Variants in CPEB4 observed in about 807,000 individuals in gnomAD.
The protein encoded by CPEB4 is cytoplasmic polyadenylation element binding protein 4, also known as cytoplasmic polyadenylation element-binding protein 4.
CPEB4 carries 12 observed loss-of-function variants against 72.5 expected under a neutral mutation model. The observed-to-expected ratio is 0.17, with a 90% confidence interval of 0.11 to 0.27. CPEB4 has a LOEUF of 0.27. Among genes scored for constraint, CPEB4 ranks in the 10% least tolerant of loss-of-function variants. CPEB4 has a pLI of 1.00. For synonymous variants in CPEB4, 302 were observed against 326.3 expected (o/e 0.93, Z 0.80); for missense variants, 614 against 908.5 (o/e 0.68, Z 4.17).
chr5:173,960,811 T>C lies in CPEB4; in HGVS notation c.*4674T>C, dbSNP rs1758525473. The C allele has an allele frequency of 6.6e-6, 1 of 152,226 alleles. No homozygotes were observed. The highest frequency in any genetic ancestry group is 2.1e-4 in the South Asian group (1 of 4,832). The allele number at this position is 152,226 out of a possible 1,614,324, so 9.4% of individuals were successfully genotyped here. The stretch of plus-strand genomic sequence containing the variant: ...AGTTCCTCCATAGACCTTAATGTCA[T>C]AGGATACGGTGTGTGGGATTATAAT... On this transcript the variant is annotated 3_prime_UTR_variant, in exon 10 of 10. Coordinates refer to ENST00000265085, the MANE Select transcript of CPEB4 (RefSeq NM_030627.4).
rs1755733918 is a variant in CPEB4 at position 173,889,709 on chromosome 5, G to A, written c.-25G>A. Reference sequence around the variant, plus strand: ...ACATCAGGTTGTCATTTTTTATTGTGAGATTCTGCTCCTAAAGATAATAAA... The same window carrying A: ...ACATCAGGTTGTCATTTTTTATTGTAAGATTCTGCTCCTAAAGATAATAAA... On this transcript the variant is annotated 5_prime_UTR_variant, in exon 1 of 10. Transcript: ENST00000265085. 2 of 1,528,224 alleles carry A rather than the reference G, an allele frequency of 1.3e-6. No individual in the cohort carries two copies. The highest frequency in any genetic ancestry group is 4.5e-5 in the East Asian group (2 of 44,006). 94.7% of individuals were successfully genotyped at this position (1,528,224 alleles called of 1,614,324 possible).
chr5:173,889,887 A>T lies in CPEB4; in HGVS notation c.154A>T (p.Asn52Tyr). ...TTTTATAAATAATAACACAGCTGCC[A>T]ATGGCAGCAGTGCTGGGTCAGCTTG... Reference protein sequence around the residue: ...AAFINNNTAANGSSAGSAWLF... With the variant: ...AAFINNNTAAYGSSAGSAWLF... Residue 52 changes from asparagine (N) to tyrosine (Y), a missense_variant, in exon 1 of 10, where the codon AAT becomes TAT. By Grantham distance (143) the Asn-to-Tyr change is moderately radical. Transcript: ENST00000265085. The T allele has an allele frequency of 6.2e-7, 1 of 1,614,200 alleles. No individual in the cohort carries two copies. The highest frequency in any genetic ancestry group is 8.5e-7 in the Non-Finnish European group (1 of 1,180,016).
At chr5:173,939,426 T>G (rs1202206653) in intron 3 of CPEB4, among the ~76,000 whole-genome samples, 1 of 152,216 alleles carries the variant, frequency 6.6e-6, no homozygotes, top group Admixed American at 6.5e-5. Context: ...CTTTGTTTCT[T>G]TTTGATTATT....
At position 173,888,461 on chromosome 5, in the gene CPEB4, A is replaced by T; in HGVS notation, c.-1273A>T. On this transcript the variant is annotated 5_prime_UTR_variant, in exon 1 of 10. Coordinates refer to ENST00000265085, the MANE Select transcript of CPEB4 (RefSeq NM_030627.4). The surrounding 1 kb of genome is among the most constrained non-coding windows in gnomAD (Gnocchi z 4.3). ...GCGGCGACAGCAGAGGAGGAAGAGG[A>T]GGAAGAAGGAAAGAAAAAGAAGAAC... 1 of 438,878 alleles carries T rather than the reference A, an allele frequency of 2.3e-6. No individual in the cohort carries two copies. Among genetic ancestry groups the T allele is most frequent in the South Asian group, 6.3e-5 (1 of 15,932 alleles). 27.2% of individuals were successfully genotyped at this position (438,878 alleles called of 1,614,324 possible). A position where few individuals can be genotyped will look rare whatever the true frequency, so the allele number is the denominator to read the frequency against.
In CPEB4 at chr5:173,957,662, T is replaced by C. The variant is rs1183750156; in HGVS notation, c.*1525T>C. 1 of 152,822 alleles carries C rather than the reference T, an allele frequency of 6.5e-6. No homozygotes were observed. The highest frequency in any genetic ancestry group is 1.5e-5 in the Non-Finnish European group (1 of 68,042). 9.5% of individuals were successfully genotyped at this position (152,822 alleles called of 1,614,324 possible). A position where few individuals can be genotyped will look rare whatever the true frequency, so the allele number is the denominator to read the frequency against. ...ATGCCCTATCCATCATTAAAAGGTTTATTATCAGTGGGCAAAACATGAAAT... is the reference window on the plus strand; with the variant it reads ...ATGCCCTATCCATCATTAAAAGGTTCATTATCAGTGGGCAAAACATGAAAT... On this transcript the variant is annotated 3_prime_UTR_variant, in exon 10 of 10. Coordinates refer to ENST00000265085, the MANE Select transcript of CPEB4 (RefSeq NM_030627.4).
intron 3 of CPEB4, among the ~76,000 whole-genome samples, 156 bp from the exon 4 acceptor site, chr5:173,942,870 C>G (rs1387201882): frequency 6.6e-6 from 1 of 152,078 alleles, no homozygotes; most frequent in African/African-American, 2.4e-5. Flanking sequence ...ACCTCCCGTT[C>G]CTTGTTTTTT....
chr5:173,903,641 TA>T (rs147988131), intron 1 of CPEB4, among the ~76,000 whole-genome samples: 2,132 of 151,354 alleles, frequency 0.014, 54 homozygotes, highest in African/African-American at 0.047. Flanking sequence ...ATCTGGATGT[TA>T]AAAAAAAATG....
At chr5:173,924,268 T>C (rs949766549) in intron 2 of CPEB4, among the ~76,000 whole-genome samples, 1 of 152,222 alleles carries the variant, frequency 6.6e-6, no homozygotes, top group African/African-American at 2.4e-5. Context: ...AAATTTTAGG[T>C]TGAATTTTTG....
rs548090461 is a variant in CPEB4, at chr5:173,900,204, G to A, written c.1125+9346G>A. On this transcript the variant is annotated intron_variant, in intron 1 of 9. Transcript: ENST00000265085. This position sits in a 1 kb window ranked among gnomAD's most constrained non-coding sequence, Gnocchi z 4.4. ...GCGGATCACCTGAGGTCGGGAGTTC[G>A]AGACCAGCCTGACCAATATGGAGAA... Among the ~76,000 whole-genome samples, 3 of 152,220 alleles carry A rather than the reference G, an allele frequency of 2.0e-5. No individual in the cohort carries two copies. The highest frequency in any genetic ancestry group is 4.8e-5 in the African/African-American group (2 of 41,526).
intron 1 of CPEB4, among the ~76,000 whole-genome samples, chr5:173,896,229 C>G (rs1467436138): frequency 6.6e-6 from 1 of 152,174 alleles, no homozygotes; most frequent in Non-Finnish European, 1.5e-5. Flanking sequence ...ATGTGCTTCT[C>G]TTTAAGGCAG....
chr5:173,912,242 C>G (rs1378663057), intron 2 of CPEB4, among the ~76,000 whole-genome samples: 1 of 152,156 alleles, frequency 6.6e-6, no homozygotes, highest in Non-Finnish European at 1.5e-5. Context: ...CTCTTGGACC[C>G]TTTGTTTTCT....
intron 1 of CPEB4, among the ~76,000 whole-genome samples, chr5:173,892,116 C>T (rs1213041129): frequency 2.6e-5 from 4 of 152,000 alleles, no homozygotes; most frequent in South Asian, 4.2e-4. Flanking sequence ...TTCCCAAATA[C>T]GATGTTAGCC....
intron 4 of CPEB4, 52 bp from the exon 5 acceptor site, chr5:173,944,915 C>T (rs1757964976): frequency 1.4e-6 from 2 of 1,462,978 alleles, no homozygotes; most frequent in Middle Eastern, 1.8e-4. Context: ...GCATGATAAT[C>T]AGTGGCAAGG....
At chr5:173,940,657 C>G (rs1757806367) in intron 3 of CPEB4, among the ~76,000 whole-genome samples, 2 of 151,892 alleles carry the variant, frequency 1.3e-5, no homozygotes, top group African/African-American at 4.8e-5. Context: ...TGTCATATGT[C>G]AAAATTTACA....
rs554109315 is a variant in CPEB4 at position 173,900,107 on chromosome 5, A to G, written c.1125+9249A>G. Among the ~76,000 whole-genome samples, 3 of 152,174 alleles carry G rather than the reference A, an allele frequency of 2.0e-5. No individual in the cohort carries two copies. Among genetic ancestry groups the G allele is most frequent in the South Asian group, 4.1e-4 (2 of 4,822 alleles). On this transcript the variant is annotated intron_variant, in intron 1 of 9. Transcript: ENST00000265085. This position sits in a 1 kb window ranked among gnomAD's most constrained non-coding sequence, Gnocchi z 4.4. ...TACAAGACATAAGCTTCAGTTTAGG[A>G]ATAAAGGTTGTGCATTGGCCAGGTG...
intron 5 of CPEB4, among the ~76,000 whole-genome samples, chr5:173,945,665 G>T (rs1240924865): frequency 6.6e-6 from 1 of 152,206 alleles, no homozygotes; most frequent in Non-Finnish European, 1.5e-5. Context: ...ATTGGGGGAA[G>T]GCCCATAAAC....
At chr5:173,901,629 G>T (rs992893821) in intron 1 of CPEB4, among the ~76,000 whole-genome samples, 1 of 152,192 alleles carries the variant, frequency 6.6e-6, no homozygotes, top group African/African-American at 2.4e-5. Context: ...TCTGAAGTCA[G>T]ACTCGACCAC....
chr5:173,953,448 CAGTTT>C, intron 9 of CPEB4, 176 bp downstream of exon 9: 1 of 460,252 alleles, frequency 2.2e-6, no homozygotes, highest in Non-Finnish European at 3.8e-6. Flanking sequence ...TTTTATCTTT[CAGTTT>C]TTTGAGTAGC....
chr5:173,924,052 G>A (rs561874342), intron 2 of CPEB4, among the ~76,000 whole-genome samples: 1 of 152,106 alleles, frequency 6.6e-6, no homozygotes, highest in Non-Finnish European at 1.5e-5. Context: ...CCTGCCCCGA[G>A]TTGTAGTCAA....
Sources: gnomAD v4.1 joint callset for allele counts (sites outside exome capture counted in the v4.1 genomes callset) on GRCh38, gnomAD v4.1.1 for gene constraint, Gnocchi (gnomAD v3.1) non-coding constraint, MANE v1.5 for transcripts, NCBI Gene and HGNC (gene_info 2026-07-23, HGNC 2026-07-21) for gene names.